TCERG1L: variants seen among roughly 807,000 people sequenced by gnomAD.
TCERG1L encodes transcription elongation regulator 1-like protein.
TCERG1L carries 37 observed loss-of-function variants against 56.3 expected under a neutral mutation model. The ratio of observed to expected loss-of-function variants is 0.66; its 90% confidence interval spans 0.51 to 0.87. The LOEUF (loss-of-function observed/expected upper bound fraction) is 0.87. TCERG1L is among the 40% of genes least tolerant of loss of function. The probability of loss-of-function intolerance (pLI) is 0.00; values close to 1 mark genes in which losing one functional copy is unlikely to be tolerated. For synonymous variants in TCERG1L, 324 were observed against 326.3 expected (o/e 0.99, Z 0.08); for missense variants, 799 against 774.2 (o/e 1.03, Z -0.38).
intron 6 of TCERG1L, among the ~76,000 whole-genome samples, chr10:131,149,739 G>A (rs796307354): frequency 2.2e-4 from 33 of 152,306 alleles, no homozygotes; most frequent in African/African-American, 7.9e-4. Flanking sequence ...TGCGACATTG[G>A]GCTCTGTCTC....
rs1846893469 is a variant in TCERG1L at position 131,311,327 on chromosome 10, G to A, written c.309C>T (p.Ala103=). The A allele has an allele frequency of 6.6e-6, 8 of 1,203,492 alleles. No individual in the cohort carries two copies. In the South Asian group the frequency reaches 2.9e-4, roughly 44 times the overall value. 74.6% of individuals were successfully genotyped at this position (1,203,492 alleles called of 1,614,324 possible). A position where few individuals can be genotyped will look rare whatever the true frequency, so the allele number is the denominator to read the frequency against. The change falls in exon 1 of 12, where the codon GCC becomes GCT. Residue 103 remains alanine (A), a synonymous_variant. Transcript: ENST00000368642. The surrounding 1 kb of genome is among the most constrained non-coding windows in gnomAD (Gnocchi z 4.0). Reference sequence around the variant, plus strand: ...GGAGCGCGGGGAAGGGGTGCGCGGCGGCGGCGGCGGCGGAGTCTGGCGCAG... The same window carrying A: ...GGAGCGCGGGGAAGGGGTGCGCGGCAGCGGCGGCGGCGGAGTCTGGCGCAG... The part of the protein sequence containing the change: ...LPSAPDSAAA[A]AAHPFPALHG...
At chr10:131,224,402 C>T (rs77470444) in intron 4 of TCERG1L, among the ~76,000 whole-genome samples, 2,099 of 152,304 alleles carry the variant, frequency 0.014, 48 homozygotes, top group African/African-American at 0.047. Context: ...GAGCAACGAG[C>T]CACATCCCTG....
chr10:131,272,239 T>C (rs972966493), intron 3 of TCERG1L, among the ~76,000 whole-genome samples: 1 of 152,236 alleles, frequency 6.6e-6, no homozygotes, highest in African/African-American at 2.4e-5. Context: ...GAATTAACTA[T>C]GCTCCTTGTG....
intron 4 of TCERG1L, among the ~76,000 whole-genome samples, chr10:131,236,009 A>G (rs1403212006): frequency 1.3e-5 from 2 of 152,270 alleles, no homozygotes; most frequent in Non-Finnish European, 2.9e-5. Context: ...CTACATGAGC[A>G]AATGCATGGA....
intron 10 of TCERG1L, among the ~76,000 whole-genome samples, chr10:131,101,952 T>C (rs1012112342): frequency 6.6e-6 from 1 of 152,192 alleles, no homozygotes; most frequent in African/African-American, 2.4e-5. Flanking sequence ...TCCGCCCACC[T>C]CGGCCTCCCA....
chr10:131,115,215 G>A (rs2133388793), intron 9 of TCERG1L, among the ~76,000 whole-genome samples: 1 of 152,374 alleles, frequency 6.6e-6, no homozygotes, highest in Middle Eastern at 3.4e-3. Context: ...CATCCACCAG[G>A]ATAAAGAAGA....
chr10:131,141,412 C>T (rs995697303), intron 7 of TCERG1L, among the ~76,000 whole-genome samples: 4 of 152,114 alleles, frequency 2.6e-5, no homozygotes, highest in Non-Finnish European at 5.9e-5. Flanking sequence ...CCCCTGGCTG[C>T]TGCGCGGGGT....
chr10:131,135,647 G>C (rs958932158), intron 7 of TCERG1L, among the ~76,000 whole-genome samples: 6 of 152,346 alleles, frequency 3.9e-5, no homozygotes, highest in African/African-American at 1.2e-4. Flanking sequence ...CATCCTTGTG[G>C]GGCCTCCGCC....
In TCERG1L at chr10:131,118,257, G is replaced by A. The variant is rs1031312345; in HGVS notation, c.1260-1323C>T. 1.3e-5 allele frequency among the ~76,000 whole-genome samples: 2 copies of A among 152,322 alleles called. No homozygotes were observed. The highest frequency in any genetic ancestry group is 2.1e-4 in the South Asian group (1 of 4,818). On this transcript the variant is annotated intron_variant, in intron 8 of 11. Transcript: ENST00000368642. This position sits in a 1 kb window ranked among gnomAD's most constrained non-coding sequence, Gnocchi z 4.2. ...CATTCTGGGAGCTCCCTAAGTGCTCGGAGATGTAGGAATGGCATGTACATC... is the reference window on the plus strand; with the variant it reads ...CATTCTGGGAGCTCCCTAAGTGCTCAGAGATGTAGGAATGGCATGTACATC...
rs569231950 is a variant in TCERG1L, at chr10:131,222,939, C to T, written c.856+37320G>A. 1.9e-4 allele frequency among the ~76,000 whole-genome samples: 29 copies of T among 152,256 alleles called. No homozygotes were observed. In the South Asian group the frequency reaches 5.6e-3, roughly 29 times the overall value. On this transcript the variant is annotated intron_variant, in intron 4 of 11. Coordinates refer to ENST00000368642, the MANE Select transcript of TCERG1L (RefSeq NM_174937.4). ...TAGGTGGCTGTGGCCGGTTTAACCCCGCCCCGCCTGTGGGAAGTCTGCACA... is the reference window on the plus strand; with the variant it reads ...TAGGTGGCTGTGGCCGGTTTAACCCTGCCCCGCCTGTGGGAAGTCTGCACA...
At chr10:131,250,709 A>G (rs1344294336) in intron 4 of TCERG1L, among the ~76,000 whole-genome samples, 1 of 152,050 alleles carries the variant, frequency 6.6e-6, no homozygotes, top group East Asian at 1.9e-4. Context: ...TCTTCCTCCT[A>G]GCCCGGGAGC....
intron 1 of TCERG1L, among the ~76,000 whole-genome samples, chr10:131,309,809 T>A (rs1368214515): frequency 3.7e-5 from 4 of 107,810 alleles, no homozygotes; most frequent in Non-Finnish European, 7.5e-5. Context: ...AATACAAGGT[T>A]CACCAATACA....
intron 3 of TCERG1L, among the ~76,000 whole-genome samples, chr10:131,278,834 C>A (rs553285449): frequency 6.6e-6 from 1 of 152,264 alleles, no homozygotes; most frequent in South Asian, 2.1e-4. Context: ...CTCCTCCCTC[C>A]CATGGGAGCT....
chr10:131,136,314 G>A (rs1386881721), intron 7 of TCERG1L, among the ~76,000 whole-genome samples: 1 of 152,214 alleles, frequency 6.6e-6, no homozygotes, highest in Non-Finnish European at 1.5e-5. Flanking sequence ...CTTCACTCGT[G>A]CCAAGCCCAG....
At chr10:131,116,971 T>A in intron 8 of TCERG1L, 37 bp from the exon 9 acceptor site, 1 of 1,586,856 alleles carries the variant, frequency 6.3e-7, no homozygotes. Flanking sequence ...GACACACTCG[T>A]GGGGACCCAG....
At chr10:131,233,228 G>A (rs892588997) in intron 4 of TCERG1L, among the ~76,000 whole-genome samples, 1 of 152,204 alleles carries the variant, frequency 6.6e-6, no homozygotes, top group Non-Finnish European at 1.5e-5. Flanking sequence ...AGGAGGGAGT[G>A]AGAGAGAGTG....
chr10:131,292,921 G>A (rs1256065110), intron 3 of TCERG1L, among the ~76,000 whole-genome samples: 1 of 151,524 alleles, frequency 6.6e-6, no homozygotes, highest in Non-Finnish European at 1.5e-5. Context: ...TGCGATCTCG[G>A]CTCACTGCAA....
chr10:131,166,382 C>T (rs1429109925), intron 5 of TCERG1L, among the ~76,000 whole-genome samples: 1 of 152,242 alleles, frequency 6.6e-6, no homozygotes, highest in Non-Finnish European at 1.5e-5. Context: ...TTCAAATGCA[C>T]TGTCTTGGCC....
At chr10:131,185,568 A>G (rs1845227872) in intron 4 of TCERG1L, among the ~76,000 whole-genome samples, 1 of 152,236 alleles carries the variant, frequency 6.6e-6, no homozygotes, top group South Asian at 2.1e-4. Flanking sequence ...CGAATTTGAA[A>G]ATGAGCAAAT....
Sources: gnomAD v4.1 joint callset for allele counts (sites outside exome capture counted in the v4.1 genomes callset) on GRCh38, gnomAD v4.1.1 for gene constraint, Gnocchi (gnomAD v3.1) non-coding constraint, MANE v1.5 for transcripts, NCBI Gene and HGNC (gene_info 2026-07-23, HGNC 2026-07-21) for gene names.